IL17RB: variants seen among roughly 807,000 people sequenced by gnomAD.
IL17RB encodes interleukin 17 receptor B.
A neutral mutation model predicts 43.9 loss-of-function variants in IL17RB; 36 were observed. That is an observed-to-expected ratio of 0.82 (90% CI 0.63 to 1.08). The LOEUF (loss-of-function observed/expected upper bound fraction) is 1.08, where lower values mean the gene tolerates loss of function less well. IL17RB is among the 50% of genes least tolerant of loss of function. The pLI is 0.00. For missense variants in IL17RB, 613 were observed against 613.6 expected (o/e 1.00, Z 0.01); for synonymous variants, 225 against 225.4 (o/e 1.00, Z 0.02).
chr3:53,848,669 T>C lies in IL17RB; in HGVS notation c.66T>C (p.Val22=). The stretch of plus-strand genomic sequence containing the variant: ...TGGTTTTTTCTCTCCCACAGACCGT[T>C]CAATGTGGCTCTGAAACTGGTAGGT... ...CRSAVPREPT[V]QCGSETGPSP... is the part of the protein sequence containing the mutation. Residue 22 remains valine, a synonymous_variant, in exon 2 of 11, where the codon GTT becomes GTC. Coordinates refer to ENST00000288167, the MANE Select transcript of IL17RB (RefSeq NM_018725.4). 6.2e-7 allele frequency: 1 copy of C among 1,614,170 alleles called. No homozygotes were observed. The highest frequency in any genetic ancestry group is 8.5e-7 in the Non-Finnish European group (1 of 1,179,978).
At chr3:53,857,371 C>T (rs1699376835) in intron 7 of IL17RB, among the ~76,000 whole-genome samples, 1 of 152,142 alleles carries the variant, frequency 6.6e-6, no homozygotes, top group Non-Finnish European at 1.5e-5. Flanking sequence ...GTGCAGCCTC[C>T]ACCTCCCGGG....
chr3:53,862,541 T>C (rs1179837572), intron 10 of IL17RB, among the ~76,000 whole-genome samples: 2 of 151,712 alleles, frequency 1.3e-5, no homozygotes, highest in East Asian at 3.9e-4. Flanking sequence ...GCAAAAAAGG[T>C]GGGGGGTGAA....
chr3:53,861,723 A>T (rs1699571135), intron 10 of IL17RB: 1 of 152,224 alleles, frequency 6.6e-6, no homozygotes, highest in Non-Finnish European at 1.5e-5. Flanking sequence ...TAACAGGAGA[A>T]GCAGCTTCTG....
At chr3:53,860,278 G>C in intron 10 of IL17RB, 50 bp downstream of exon 10, 1 of 1,494,426 alleles carries the variant, frequency 6.7e-7, no homozygotes, top group Non-Finnish European at 9.2e-7. Flanking sequence ...ATAACATTTT[G>C]AATTTTTTTT....
chr3:53,846,818 G>C (rs1403160483), intron 1 of IL17RB, among the ~76,000 whole-genome samples, 170 bp downstream of exon 1: 1 of 152,236 alleles, frequency 6.6e-6, no homozygotes, highest in Admixed American at 6.5e-5. Context: ...GGTTGCTTGA[G>C]TCAGGGGCGT....
At chr3:53,855,214 A>T in intron 5 of IL17RB, 80 bp from the exon 6 acceptor site, 1 of 818,034 alleles carries the variant, frequency 1.2e-6, no homozygotes. Flanking sequence ...TGGTATGCGT[A>T]TGTGTGTGTG....
In IL17RB at chr3:53,855,286, A is replaced by G. The variant is rs757045651; in HGVS notation, c.482-8A>G. On this transcript the variant is annotated splice_region_variant and splice_polypyrimidine_tract_variant and intron_variant, in intron 5 of 10. Coordinates refer to ENST00000288167, the MANE Select transcript of IL17RB (RefSeq NM_018725.4). The stretch of plus-strand genomic sequence containing the variant: ...CTAAAATGTAAAAACTTTCATTCAA[A>G]TTTCCAGGCTGCCTAGACCACATAA... 1 of 1,601,402 alleles carries G rather than the reference A, an allele frequency of 6.2e-7. No individual in the cohort carries two copies. The highest frequency in any genetic ancestry group is 1.1e-5 in the South Asian group (1 of 89,732).
intron 9 of IL17RB, 90 bp from the exon 10 acceptor site, chr3:53,860,040 C>G (rs1442325382): frequency 2.5e-5 from 22 of 880,550 alleles, no homozygotes; most frequent in Non-Finnish European, 3.7e-5. Context: ...AATAAATAAA[C>G]CTCTATAAAG....
Position 53,852,312 on chromosome 3 carries a change from T to C in IL17RB, c.354+186T>C, listed in dbSNP as rs965577086. 3.9e-5 allele frequency among the ~76,000 whole-genome samples: 6 copies of C among 152,038 alleles called. No individual in the cohort carries two copies. In the South Asian group the frequency reaches 1.2e-3, roughly 32 times the overall value. On this transcript the variant is annotated intron_variant, in intron 4 of 10. Coordinates refer to ENST00000288167, the MANE Select transcript of IL17RB (RefSeq NM_018725.4). ...ATGAGCCACCAGACCTGGCTAATTTTTGTAGTTTTTGTAGAGGGGGGTTTC... is the reference window on the plus strand; with the variant it reads ...ATGAGCCACCAGACCTGGCTAATTTCTGTAGTTTTTGTAGAGGGGGGTTTC...
Position 53,864,907 on chromosome 3 carries a change from A to G in IL17RB, c.1108A>G (p.Lys370Glu). ...TGAGGTCATCCTTGAAAAGTGGCAG[A>G]AAAAGAAAATAGCAGAGATGGGTCC... ...RSEVILEKWQ[K>E]KKIAEMGPVQ... is the part of the protein sequence containing the mutation. The change falls in exon 11 of 11, where the codon AAA (lysine) becomes GAA (glutamate). Residue 370 changes from lysine (K) to glutamate (E), a missense_variant. Physicochemically the swap from Lys to Glu is moderately conservative, Grantham distance 56 (BLOSUM62 1). Transcript: ENST00000288167. 2 of 1,614,250 alleles carry G rather than the reference A, an allele frequency of 1.2e-6. No individual in the cohort carries two copies. The highest frequency in any genetic ancestry group is 1.7e-6 in the Non-Finnish European group (2 of 1,180,040).
chr3:53,848,352 A>G (rs1200676864), intron 1 of IL17RB, among the ~76,000 whole-genome samples: 1 of 152,224 alleles, frequency 6.6e-6, no homozygotes, highest in Non-Finnish European at 1.5e-5. Flanking sequence ...ATCGGTCCCA[A>G]GTCATCCCCT....
intron 8 of IL17RB, chr3:53,858,489 TAC>T (rs1042963938): frequency 9.4e-6 from 13 of 1,387,012 alleles, no homozygotes; most frequent in Middle Eastern, 2.4e-4. Context: ...TAGTAACGTG[TAC>T]AAAGTTTAGG....
chr3:53,852,171 T>C, intron 4 of IL17RB, 45 bp downstream of exon 4: 2 of 1,575,020 alleles, frequency 1.3e-6, no homozygotes, highest in Non-Finnish European at 1.7e-6. Context: ...AGATAGCATC[T>C]TGTTCTGTCA....
intron 1 of IL17RB, 102 bp downstream of exon 1, chr3:53,846,750 G>C: frequency 7.8e-7 from 1 of 1,283,742 alleles, no homozygotes; most frequent in Non-Finnish European, 1.1e-6. Flanking sequence ...GGCGTGCGCG[G>C]ACTGCCGGCT....
At chr3:53,854,990 G>A (rs948557156) in intron 5 of IL17RB, among the ~76,000 whole-genome samples, 10 of 151,888 alleles carry the variant, frequency 6.6e-5, no homozygotes, top group African/African-American at 1.5e-4. Context: ...GGTGGCGGGC[G>A]CCTGTAGTCC....
chr3:53,850,169 G>A (rs1699082236), intron 3 of IL17RB, among the ~76,000 whole-genome samples: 1 of 152,230 alleles, frequency 6.6e-6, no homozygotes, highest in Non-Finnish European at 1.5e-5. Context: ...TTTACAGAAA[G>A]TGCCAAGCAA....
At chr3:53,850,139 A>G (rs1699081276) in intron 3 of IL17RB, among the ~76,000 whole-genome samples, 1 of 152,276 alleles carries the variant, frequency 6.6e-6, no homozygotes, top group Non-Finnish European at 1.5e-5. Flanking sequence ...GCCTGCAGGC[A>G]TACATGCCAT....
At chr3:53,860,265 G>GA in intron 10 of IL17RB, 37 bp downstream of exon 10, 1 of 1,521,112 alleles carries the variant, frequency 6.6e-7, no homozygotes, top group Non-Finnish European at 9.0e-7. Context: ...TCCTAGTAAG[G>GA]AAATAACATT....
At chr3:53,850,815 TA>T (rs773100202) in intron 3 of IL17RB, among the ~76,000 whole-genome samples, 6 of 151,710 alleles carry the variant, frequency 4.0e-5, no homozygotes, top group Non-Finnish European at 7.4e-5. Context: ...TAAAATAAAA[TA>T]AAATAAAATA....
Sources: allele counts gnomAD v4.1 joint callset (sites outside exome capture counted in the v4.1 genomes callset), GRCh38; gene constraint gnomAD v4.1.1; transcripts MANE v1.5; gene names NCBI Gene and HGNC (gene_info 2026-07-23, HGNC 2026-07-21).